The following CACNA2D1 variants were observed in gnomAD, a reference collection of about 807,000 sequenced individuals.
The protein encoded by CACNA2D1 is calcium voltage-gated channel auxiliary subunit alpha2delta 1, also known as voltage-dependent calcium channel subunit alpha-2/delta-1.
In CACNA2D1, 53 loss-of-function variants were observed where a neutral mutation model predicts 171.5. The observed-to-expected ratio is 0.31, with a 90% CI of 0.25 to 0.39. CACNA2D1 has a LOEUF of 0.39. CACNA2D1 is among the 10% of genes least tolerant of loss of function. CACNA2D1 has a pLI of 1.00. For missense variants in CACNA2D1, 903 were observed against 1,299.8 expected, an observed-to-expected ratio of 0.69 and a Z score of 4.69; for synonymous variants, 442 against 443.1, an observed-to-expected ratio of 1.00 and a Z score of 0.03.
At chr7:82,180,187 C>A (rs1010399384) in intron 3 of CACNA2D1, among the ~76,000 whole-genome samples, 3 of 152,096 alleles carry the variant, frequency 2.0e-5, no homozygotes, top group Admixed American at 2.0e-4. Flanking sequence ...CCCTCCAGAG[C>A]GAGGGCAGAT....
chr7:82,281,601 T>C (rs2129374978), intron 3 of CACNA2D1, among the ~76,000 whole-genome samples: 1 of 152,358 alleles, frequency 6.6e-6, no homozygotes, highest in East Asian at 1.9e-4. Flanking sequence ...AATTCAGAGT[T>C]ATGCCTTGCC....
intron 5 of CACNA2D1, among the ~76,000 whole-genome samples, chr7:82,127,556 C>G (rs1356601360): frequency 2.0e-5 from 3 of 152,004 alleles, no homozygotes; most frequent in African/African-American, 4.8e-5. Context: ...AAGATCAAAC[C>G]CTGTACACAT....
intron 3 of CACNA2D1, among the ~76,000 whole-genome samples, chr7:82,270,413 G>A (rs978398489): frequency 2.6e-5 from 4 of 152,052 alleles, no homozygotes; most frequent in Non-Finnish European, 4.4e-5. Flanking sequence ...TTGTTGCTAC[G>A]TACAGAAATA....
chr7:82,378,910 T>C (rs1823330572), intron 1 of CACNA2D1, among the ~76,000 whole-genome samples: 1 of 150,776 alleles, frequency 6.6e-6, no homozygotes, highest in African/African-American at 2.4e-5. Context: ...CTGCTGCTGT[T>C]GCTACTGTAT....
intron 1 of CACNA2D1, among the ~76,000 whole-genome samples, chr7:82,394,986 A>G (rs1344813725): frequency 1.3e-5 from 2 of 152,184 alleles, no homozygotes; most frequent in Non-Finnish European, 2.9e-5. Flanking sequence ...AAACCTAATG[A>G]CAATTTCAAT....
At chr7:82,018,561 A>T (rs1018887958) in intron 12 of CACNA2D1, among the ~76,000 whole-genome samples, 6 of 152,222 alleles carry the variant, frequency 3.9e-5, no homozygotes, top group Non-Finnish European at 7.3e-5. Context: ...TTTAGGCAAA[A>T]TATACTTAGT....
chr7:82,005,700 G>T, intron 17 of CACNA2D1, 65 bp downstream of exon 17: 2 of 1,129,984 alleles, frequency 1.8e-6, no homozygotes, highest in Non-Finnish European at 2.7e-6. Context: ...TTACCTAAGT[G>T]CCAAGCTAAG....
chr7:82,434,162 T>G (rs1380361236), intron 1 of CACNA2D1, among the ~76,000 whole-genome samples: 2 of 152,238 alleles, frequency 1.3e-5, no homozygotes, highest in Admixed American at 6.5e-5. Flanking sequence ...ATTATCATGA[T>G]AGCAGTCTCA....
At chr7:82,095,671 T>C (rs534327395) in intron 6 of CACNA2D1, among the ~76,000 whole-genome samples, 17 of 152,350 alleles carry the variant, frequency 1.1e-4, no homozygotes, top group African/African-American at 3.8e-4. Context: ...TATCTATTTG[T>C]TAATGAATGA....
At position 82,117,831 on chromosome 7, in the gene CACNA2D1, A is replaced by T. The variant is rs1222122215; in HGVS notation, c.397-658T>A. On this transcript the variant is annotated intron_variant, in intron 5 of 38. Coordinates refer to ENST00000356860, the MANE Select transcript of CACNA2D1 (RefSeq NM_000722.4). ...GACAAATAAAATAATAAGAAACTAG[A>T]GAGGTGCCTTTAAATACAACCTAAC... Among the ~76,000 whole-genome samples the T allele has an allele frequency of 2.0e-5, 3 of 152,262 alleles. No homozygotes were observed. The East Asian group carries it at 5.8e-4, about 29-fold the overall frequency.
intron 3 of CACNA2D1, among the ~76,000 whole-genome samples, chr7:82,313,108 G>C (rs1814678652): frequency 6.6e-6 from 1 of 152,120 alleles, no homozygotes; most frequent in African/African-American, 2.4e-5. Context: ...CTAACAGACT[G>C]ATTCAAGAGG....
chr7:82,223,980 G>C (rs141342085), intron 3 of CACNA2D1, among the ~76,000 whole-genome samples: 1 of 152,052 alleles, frequency 6.6e-6, no homozygotes, highest in Non-Finnish European at 1.5e-5. Flanking sequence ...TGCCAGGCAC[G>C]ATCCAGCTTG....
rs71093365 is a variant in CACNA2D1 at position 82,174,042 on chromosome 7, C to CAAAAAAA, written c.295-3440_295-3434dup. ...TGAGCTATAGTGCAAGACCCTGTCTCAAAAAAAAAAAAAAAAAAAAAAAAA... is the reference window on the plus strand; with the variant it reads ...TGAGCTATAGTGCAAGACCCTGTCTCAAAAAAAAAAAAAAAAAAAAAAAAAAAAAAAA... On this transcript the variant is annotated intron_variant, in intron 3 of 38. Transcript: ENST00000356860. 7.0e-4 allele frequency among the ~76,000 whole-genome samples: 32 copies of CAAAAAAA among 45,642 alleles called. 1 individual carries two copies. The highest frequency in any genetic ancestry group is 9.5e-4 in the Admixed American group (3 of 3,162). The allele number at this position is 45,642 out of a possible 152,430, so 29.9% of individuals were successfully genotyped here. A position where few individuals can be genotyped will look rare whatever the true frequency, so the allele number is the denominator to read the frequency against.
At chr7:82,371,878 T>C (rs1822459424) in intron 1 of CACNA2D1, among the ~76,000 whole-genome samples, 1 of 152,238 alleles carries the variant, frequency 6.6e-6, no homozygotes, top group Admixed American at 6.5e-5. Flanking sequence ...TTTAATTCTT[T>C]TAAGAACCAA....
At chr7:82,422,853 T>C (rs866813557) in intron 1 of CACNA2D1, among the ~76,000 whole-genome samples, 11 of 150,962 alleles carry the variant, frequency 7.3e-5, no homozygotes, top group East Asian at 5.8e-4. Flanking sequence ...AAATCTCCAA[T>C]AGAACAGAAA....
intron 5 of CACNA2D1, among the ~76,000 whole-genome samples, chr7:82,125,140 T>C (rs1328614450): frequency 6.6e-6 from 1 of 152,198 alleles, no homozygotes; most frequent in African/African-American, 2.4e-5. Flanking sequence ...AACGTAAATA[T>C]GCAAGGGAAT....
chr7:82,078,373 T>C (rs1809274437), intron 7 of CACNA2D1, among the ~76,000 whole-genome samples: 1 of 152,192 alleles, frequency 6.6e-6, no homozygotes, highest in Non-Finnish European at 1.5e-5. Flanking sequence ...ACTGCAACAA[T>C]TGGTACAATT....
At chr7:82,361,942 T>G (rs533358701) in intron 1 of CACNA2D1, among the ~76,000 whole-genome samples, 46 of 152,262 alleles carry the variant, frequency 3.0e-4, no homozygotes, top group African/African-American at 9.6e-4. Flanking sequence ...GTTGATCTCA[T>G]GAAAAGCCTC....
At chr7:82,164,447 G>A (rs1584970161) in intron 4 of CACNA2D1, among the ~76,000 whole-genome samples, 1 of 78,354 alleles carries the variant, frequency 1.3e-5, no homozygotes, top group African/African-American at 4.2e-5. Flanking sequence ...TCTAACATTG[G>A]TTGATCAAAA....
Sources: allele counts gnomAD v4.1 joint callset (sites outside exome capture counted in the v4.1 genomes callset), GRCh38; gene constraint gnomAD v4.1.1; transcripts MANE v1.5; gene names NCBI Gene and HGNC (gene_info 2026-07-23, HGNC 2026-07-21).